Variants in TBC1D30 observed in about 807,000 individuals in gnomAD.
TBC1D30 encodes TBC1 domain family, member 30.
Under a neutral mutation model 63.2 loss-of-function variants are expected in TBC1D30, and 31 were observed. The observed-to-expected ratio is 0.49, with a 90% CI of 0.37 to 0.66. TBC1D30 has a LOEUF of 0.66. TBC1D30 is among the 30% of genes least tolerant of loss of function. TBC1D30 has a pLI of 0.00. For synonymous variants in TBC1D30, 307 were observed against 361.5 expected (o/e 0.85, Z 1.71); for missense variants, 810 against 953.6 (o/e 0.85, Z 1.98).
intron 8 of TBC1D30, among the ~76,000 whole-genome samples, chr12:64,853,993 T>G (rs1041792011): frequency 6.6e-6 from 1 of 152,228 alleles, no homozygotes; most frequent in African/African-American, 2.4e-5. Context: ...GTGTGTTTCT[T>G]GTAGGAAACG....
intron 2 of TBC1D30, among the ~76,000 whole-genome samples, chr12:64,788,399 G>A (rs1450139010): frequency 6.6e-6 from 1 of 151,940 alleles, no homozygotes; most frequent in African/African-American, 2.4e-5. Context: ...CATTATTATT[G>A]TTTGTACCAG....
intron 8 of TBC1D30, among the ~76,000 whole-genome samples, chr12:64,863,846 A>T (rs1212234906): frequency 6.6e-6 from 1 of 152,264 alleles, no homozygotes; most frequent in East Asian, 1.9e-4. Context: ...GGAAAGCATT[A>T]TCAGGCTATT....
chr12:64,792,816 C>T (rs1404679308), intron 2 of TBC1D30, among the ~76,000 whole-genome samples: 8 of 152,152 alleles, frequency 5.3e-5, no homozygotes, highest in African/African-American at 1.2e-4. Flanking sequence ...TCAAATGATG[C>T]ACCTGCCTTG....
intron 1 of TBC1D30, among the ~76,000 whole-genome samples, chr12:64,783,630 T>C (rs1182384761): frequency 5.9e-5 from 9 of 151,730 alleles, no homozygotes; most frequent in African/African-American, 2.2e-4. Context: ...TACCAGCAGA[T>C]ATTGCTGTAA....
chr12:64,811,056 A>G (rs1873187098), intron 2 of TBC1D30, among the ~76,000 whole-genome samples: 1 of 152,264 alleles, frequency 6.6e-6, no homozygotes, highest in African/African-American at 2.4e-5. Flanking sequence ...AACAAAGTTC[A>G]TTTGGAATCA....
chr12:64,864,904 T>C (rs978898956), intron 9 of TBC1D30, 124 bp downstream of exon 9: 3 of 667,808 alleles, frequency 4.5e-6, no homozygotes, highest in Admixed American at 6.1e-5. Flanking sequence ...TAGAATCTAA[T>C]GTCCCTTTCC....
chr12:64,841,611 G>A (rs907246232), intron 7 of TBC1D30, among the ~76,000 whole-genome samples: 1 of 152,086 alleles, frequency 6.6e-6, no homozygotes, highest in Non-Finnish European at 1.5e-5. Flanking sequence ...GCTCTCACTG[G>A]CTTCCTCTGG....
chr12:64,834,703 C>G (rs141988508), intron 5 of TBC1D30, among the ~76,000 whole-genome samples: 1 of 132,104 alleles, frequency 7.6e-6, no homozygotes, highest in African/African-American at 2.7e-5. Context: ...GCCACCGTGC[C>G]GGGCTTTTTT....
intron 8 of TBC1D30, among the ~76,000 whole-genome samples, chr12:64,859,865 TGTG>T (rs919508970): frequency 7.9e-5 from 12 of 152,112 alleles, no homozygotes; most frequent in African/African-American, 2.9e-4. Flanking sequence ...CAACAGGTCT[TGTG>T]GTCCCTCTGA....
In TBC1D30 at chr12:64,870,492, A is replaced by G. The variant is rs1207563465; in HGVS notation, c.1292-110A>G. On this transcript the variant is annotated intron_variant, in intron 10 of 11. Coordinates refer to ENST00000539867, the MANE Select transcript of TBC1D30 (RefSeq NM_015279.2). ...TAGTATGCGTTTTTTTCTGTGGTTT[A>G]GAATTTCATGGAGGTTAAGATACCG... is the stretch of plus-strand genomic sequence containing the variant. The G allele has an allele frequency of 1.2e-5, 10 of 843,948 alleles. No homozygotes were observed. The African/African-American group carries it at 1.5e-4, about 13-fold the overall frequency. 52.3% of individuals were successfully genotyped at this position (843,948 alleles called of 1,614,324 possible).
chr12:64,875,700 C>A lies in TBC1D30; in HGVS notation c.2198C>A (p.Thr733Lys). 1 of 1,536,600 alleles carries A rather than the reference C, an allele frequency of 6.5e-7. No homozygotes were observed. The highest frequency in any genetic ancestry group is 1.2e-5 in the South Asian group (1 of 84,058). The change falls in exon 12 of 12, where the codon ACA becomes AAA. Residue 733 changes from threonine (T) to lysine (K), a missense_variant. Transcript: ENST00000539867. The stretch of plus-strand genomic sequence containing the variant: ...AGGAACTTGGGATTATATGGCCCTA[C>A]AGAAAGAACCCCAACTGTGCACTTT... ...TARNLGLYGP[T>K]ERTPTVHFPQ...
At chr12:64,857,637 C>T (rs1178830448) in intron 8 of TBC1D30, among the ~76,000 whole-genome samples, 1 of 152,204 alleles carries the variant, frequency 6.6e-6, no homozygotes, top group Non-Finnish European at 1.5e-5. Context: ...TTTACTGGCT[C>T]TAAGCCCAGC....
chr12:64,791,230 C>T (rs1871902056), intron 2 of TBC1D30, among the ~76,000 whole-genome samples: 1 of 151,982 alleles, frequency 6.6e-6, no homozygotes, highest in African/African-American at 2.4e-5. Flanking sequence ...TATGTAGAGA[C>T]AAAAAGTAGA....
At chr12:64,781,807 A>G (rs574398437) in intron 1 of TBC1D30, among the ~76,000 whole-genome samples, 1 of 151,766 alleles carries the variant, frequency 6.6e-6, no homozygotes, top group Non-Finnish European at 1.5e-5. Context: ...GAGCGTGTGA[A>G]TTCTATTTCT....
intron 9 of TBC1D30, among the ~76,000 whole-genome samples, chr12:64,865,934 A>G (rs926169892): frequency 1.3e-5 from 2 of 152,192 alleles, no homozygotes; most frequent in Non-Finnish European, 1.5e-5. Context: ...CAGTGGTACA[A>G]TCATGGCATA....
At chr12:64,836,687 A>T in intron 6 of TBC1D30, 29 bp downstream of exon 6, 2 of 1,510,864 alleles carry the variant, frequency 1.3e-6, no homozygotes, top group Non-Finnish European at 1.8e-6. Context: ...ATAACTCTGA[A>T]AATATTTGTC....
At chr12:64,825,112 G>T (rs959693820) in intron 1 of TBC1D30, 79 bp downstream of exon 1, 10 of 1,457,266 alleles carry the variant, frequency 6.9e-6, no homozygotes, top group Non-Finnish European at 9.1e-6. Flanking sequence ...GCCTGACTCC[G>T]TCTAGGCCGG....
chr12:64,820,084 C>T (rs1873798863), upstream of TBC1D30, among the ~76,000 whole-genome samples: 1 of 152,160 alleles, frequency 6.6e-6, no homozygotes, highest in Admixed American at 6.6e-5. Context: ...AGCAGGCTTC[C>T]AGGGCCTTTT....
chr12:64,860,262 C>T (rs576969645), intron 8 of TBC1D30, among the ~76,000 whole-genome samples: 2 of 152,222 alleles, frequency 1.3e-5, no homozygotes, highest in Admixed American at 6.5e-5. Flanking sequence ...AAGCAGTCCT[C>T]ACTCCTCAGC....
Sources: allele counts gnomAD v4.1 joint callset (sites outside exome capture counted in the v4.1 genomes callset), GRCh38; gene constraint gnomAD v4.1.1; transcripts MANE v1.5; gene names NCBI Gene and HGNC (gene_info 2026-07-23, HGNC 2026-07-21).